PITPNM3: variants seen among roughly 807,000 people sequenced by gnomAD.
The protein encoded by PITPNM3 is membrane-associated phosphatidylinositol transfer protein 3.
Under a neutral mutation model 102.0 loss-of-function variants are expected in PITPNM3, and 26 were observed. That is an observed-to-expected ratio of 0.25 (90% CI 0.19 to 0.35). The LOEUF is 0.35. Among genes scored for constraint, PITPNM3 ranks in the 10% least tolerant of loss-of-function variants. PITPNM3 has a pLI of 1.00. For synonymous variants in PITPNM3, 578 were observed against 558.6 expected, an observed-to-expected ratio of 1.03 and a Z score of -0.49; for missense variants, 1,083 against 1,346.1, an observed-to-expected ratio of 0.80 and a Z score of 3.06.
chr17:6,473,674 G>C (rs1275180045), intron 10 of PITPNM3, among the ~76,000 whole-genome samples: 2 of 152,096 alleles, frequency 1.3e-5, no homozygotes, highest in African/African-American at 2.4e-5. Flanking sequence ...GCAGGAAAAG[G>C]CATTCGAGGT....
At position 6,455,544 on chromosome 17, in the gene PITPNM3, T is replaced by G; in HGVS notation, c.2719A>C (p.Ser907Arg). Reference protein sequence around the residue: ...NNSRMILRKGSFGLHAQPEFL... With the variant: ...NNSRMILRKGRFGLHAQPEFL... ...TCTGGCTGCGCGTGCAGCCCGAAGC[T>G]GCCCTTGCGCAGGATCATGCGCGAG... is the stretch of plus-strand genomic sequence containing the variant. Residue 907 changes from serine (S) to arginine (R), a missense_variant, in exon 20 of 20, where the codon AGC (serine) becomes CGC (arginine). Ser to Arg is a moderately radical substitution (Grantham distance 110). Coordinates refer to ENST00000262483, the MANE Select transcript of PITPNM3 (RefSeq NM_031220.4). The G allele has an allele frequency of 6.2e-7, 1 of 1,604,118 alleles. No homozygotes were observed. Among genetic ancestry groups the G allele is most frequent in the South Asian group, 1.1e-5 (1 of 91,010 alleles).
intron 3 of PITPNM3, among the ~76,000 whole-genome samples, chr17:6,522,393 T>A (rs948419267): frequency 1.3e-5 from 2 of 151,706 alleles, no homozygotes; most frequent in Non-Finnish European, 2.9e-5. Context: ...CTTAAATGGT[T>A]AGGGAGAGAA....
chr17:6,547,077 C>CT (rs960869595), intron 1 of PITPNM3, among the ~76,000 whole-genome samples: 4 of 152,138 alleles, frequency 2.6e-5, no homozygotes, highest in African/African-American at 9.7e-5. Context: ...CCTCTGCTGC[C>CT]TGTCGTCTTC....
In PITPNM3 at chr17:6,458,831, C is replaced by G. The variant is rs1212950093; in HGVS notation, c.2491-1109G>C. 6.6e-6 allele frequency among the ~76,000 whole-genome samples: 1 copy of G among 152,118 alleles called. No homozygotes were observed. Among genetic ancestry groups the G allele is most frequent in the Non-Finnish European group, 1.5e-5 (1 of 68,010 alleles). On this transcript the variant is annotated intron_variant, in intron 18 of 19. Coordinates refer to ENST00000262483, the MANE Select transcript of PITPNM3 (RefSeq NM_031220.4). This position sits in a 1 kb window ranked among gnomAD's most constrained non-coding sequence, Gnocchi z 5.1. ...ATCTCAGCCCTGGAAATTTTTTCCA[C>G]TATCCACCTTGTGTTTTTGTACATG...
At chr17:6,515,118 G>A (rs200985116) in intron 3 of PITPNM3, among the ~76,000 whole-genome samples, 6 of 152,088 alleles carry the variant, frequency 3.9e-5, no homozygotes, top group South Asian at 2.1e-4. Flanking sequence ...TTCTTGGGCC[G>A]GGCATGGTGG....
rs577461552 is a variant in PITPNM3 at position 6,498,329 on chromosome 17, C to T, written c.274+5198G>A. ...AAGAAAACTGTGCTTAGAGAGTCCA[C>T]GCTCCTCCCAGAGCTAGCCTGGGGA... On this transcript the variant is annotated intron_variant, in intron 4 of 19. Coordinates refer to ENST00000262483, the MANE Select transcript of PITPNM3 (RefSeq NM_031220.4). Among the ~76,000 whole-genome samples the T allele has an allele frequency of 1.6e-4, 24 of 152,346 alleles. 1 individual carries two copies. The highest frequency in any genetic ancestry group is 1.0e-3 in the South Asian group (5 of 4,828).
intron 14 of PITPNM3, among the ~76,000 whole-genome samples, chr17:6,466,223 C>A (rs1372925076): frequency 6.6e-6 from 1 of 152,366 alleles, no homozygotes; most frequent in African/African-American, 2.4e-5. Flanking sequence ...CATTCCAGCC[C>A]ATTCGCTATG....
chr17:6,473,058 T>C, intron 10 of PITPNM3: 1 of 588,440 alleles, frequency 1.7e-6, no homozygotes, highest in Middle Eastern at 4.5e-4. Context: ...CCTTCCCCAA[T>C]CAGGCTTGCA....
At chr17:6,534,142 CGGCACTGCTG>C (rs1217902807) in intron 2 of PITPNM3, among the ~76,000 whole-genome samples, 1 of 152,190 alleles carries the variant, frequency 6.6e-6, no homozygotes, top group Non-Finnish European at 1.5e-5. Flanking sequence ...CTTCCAACCT[CGGCACTGCTG>C]GGCTGTGGCC....
chr17:6,530,161 A>G (rs1438196685), intron 2 of PITPNM3, among the ~76,000 whole-genome samples: 1 of 152,232 alleles, frequency 6.6e-6, no homozygotes, highest in African/African-American at 2.4e-5. Flanking sequence ...GACAACTATC[A>G]TGGAAACCTG....
chr17:6,501,865 C>T (rs1020603581), intron 4 of PITPNM3, among the ~76,000 whole-genome samples: 1 of 152,244 alleles, frequency 6.6e-6, no homozygotes, highest in African/African-American at 2.4e-5. Context: ...GGCCCCATCT[C>T]TCAAAACCTG....
Position 6,474,557 on chromosome 17 carries a change from C to A in PITPNM3, c.1133G>T (p.Gly378Val), listed in dbSNP as rs746331110. 9 of 1,598,488 alleles carry A rather than the reference C, an allele frequency of 5.6e-6. No homozygotes were observed. In the African/African-American group the frequency reaches 8.1e-5, roughly 14 times the overall value. Residue 378 changes from glycine (G) to valine (V), a missense_variant, in exon 10 of 20, where the codon GGG becomes GTG. Transcript: ENST00000262483. ...GCTGACCTCAGGGAGCTGCGGCCCC[C>A]CAGCCGCCGGGGTCTCAGACTCATC... Reference protein sequence around the residue: ...LKDESETPAAGGPQLPEVSLG... With the variant: ...LKDESETPAAVGPQLPEVSLG...
chr17:6,504,850 G>A (rs904155387), intron 3 of PITPNM3, among the ~76,000 whole-genome samples: 15 of 152,174 alleles, frequency 9.9e-5, no homozygotes, highest in East Asian at 9.6e-4. Flanking sequence ...TACTTGCCTC[G>A]GAGGGTTACT....
chr17:6,547,100 G>A (rs1910062751), intron 1 of PITPNM3, among the ~76,000 whole-genome samples: 1 of 152,170 alleles, frequency 6.6e-6, no homozygotes, highest in Non-Finnish European at 1.5e-5. Flanking sequence ...GATAGCCCAG[G>A]GAGGTCAGTA....
rs1567664115 is a variant in PITPNM3, at chr17:6,470,515, G to A, written c.1625-107C>T. On this transcript the variant is annotated intron_variant, in intron 12 of 19. Transcript: ENST00000262483. This position sits in a 1 kb window ranked among gnomAD's most constrained non-coding sequence, Gnocchi z 4.8. ...ACTGGTGGTGGATGCCCCACGTGGG[G>A]CACGGGTTTGGGCGGGAGCACCCTG... 6.7e-7 allele frequency: 1 copy of A among 1,492,410 alleles called. No homozygotes were observed. Among genetic ancestry groups the A allele is most frequent in the South Asian group, 1.1e-5 (1 of 87,302 alleles). 92.4% of individuals were successfully genotyped at this position (1,492,410 alleles called of 1,614,324 possible).
chr17:6,532,515 G>A (rs773646852), intron 2 of PITPNM3, among the ~76,000 whole-genome samples: 7 of 151,916 alleles, frequency 4.6e-5, no homozygotes, highest in Non-Finnish European at 7.4e-5. Flanking sequence ...ATCCCCAGGC[G>A]ACCGCTGATC....
intron 2 of PITPNM3, among the ~76,000 whole-genome samples, chr17:6,525,990 C>G (rs529432682): frequency 6.6e-4 from 100 of 152,284 alleles, no homozygotes; most frequent in African/African-American, 2.3e-3. Context: ...AACTCACCAC[C>G]AGGAGTTGAG....
chr17:6,484,152 G>A lies in PITPNM3; in HGVS notation c.351+64C>T, dbSNP rs888146556. On this transcript the variant is annotated intron_variant, in intron 5 of 19. Transcript: ENST00000262483. ...AAGAAAACGAGGCCGCCTATGATCC[G>A]AGGGCTCTTGCTAAAATCCTGGCCT... The A allele has an allele frequency of 3.6e-5, 54 of 1,497,934 alleles. 1 individual carries two copies. The highest frequency in any genetic ancestry group is 2.6e-4 in the South Asian group (23 of 88,810). 92.8% of individuals were successfully genotyped at this position (1,497,934 alleles called of 1,614,324 possible).
intron 4 of PITPNM3, 55 bp downstream of exon 4, chr17:6,503,472 A>C (rs890969204): frequency 1.9e-6 from 3 of 1,576,444 alleles, no homozygotes; most frequent in Non-Finnish European, 2.6e-6. Context: ...AGGCTCAATG[A>C]GCTTGCACCC....
Sources: allele counts gnomAD v4.1 joint callset (sites outside exome capture counted in the v4.1 genomes callset), GRCh38; gene constraint gnomAD v4.1.1; non-coding constraint Gnocchi (gnomAD v3.1); transcripts MANE v1.5; gene names NCBI Gene and HGNC (gene_info 2026-07-23, HGNC 2026-07-21).